The following ZNF596 variants were observed in gnomAD, a reference collection of about 807,000 sequenced individuals.
ZNF596 encodes the protein zinc finger protein 596.
A neutral mutation model predicts 48.3 loss-of-function variants in ZNF596; 45 were observed. The ratio of observed to expected loss-of-function variants is 0.93; its 90% confidence interval spans 0.73 to 1.19. The LOEUF (loss-of-function observed/expected upper bound fraction) is 1.19, where lower values mean the gene tolerates loss of function less well. Among genes scored for constraint, ZNF596 ranks in the 50% most tolerant of loss-of-function variants. The probability of loss-of-function intolerance (pLI) is 0.00; values close to 1 mark genes in which losing one functional copy is unlikely to be tolerated. For synonymous variants in ZNF596, 270 were observed against 202.0 expected (o/e 1.34, Z -2.85); for missense variants, 848 against 599.7 (o/e 1.41, Z -4.32).
chr8:233,850 T>A (rs1386990071), intron 1 of ZNF596, among the ~76,000 whole-genome samples: 1 of 152,208 alleles, frequency 6.6e-6, no homozygotes, highest in Non-Finnish European at 1.5e-5. Flanking sequence ...CTTAAGAGTG[T>A]GACATATGAT....
At chr8:244,833 A>C (rs1796998389) in intron 5 of ZNF596, 132 bp downstream of exon 5, 1 of 757,426 alleles carries the variant, frequency 1.3e-6, no homozygotes, top group African/African-American at 1.8e-5. Context: ...GATTTAGTGA[A>C]GACGTTAACT....
intron 1 of ZNF596, chr8:237,047 A>G (rs569312207): frequency 6.6e-6 from 1 of 152,298 alleles, no homozygotes; most frequent in South Asian, 2.1e-4. Flanking sequence ...TAAACATTAA[A>G]ATTGGCTAAT....
In ZNF596 at chr8:247,039, T is replaced by C. The variant is rs781371554; in HGVS notation, c.*677T>C. 1 of 152,158 alleles carries C rather than the reference T, an allele frequency of 6.6e-6. No homozygotes were observed. Among genetic ancestry groups the C allele is most frequent in the African/African-American group, 2.4e-5 (1 of 41,428 alleles). 9.4% of individuals were successfully genotyped at this position (152,158 alleles called of 1,614,324 possible). A position where few individuals can be genotyped will look rare whatever the true frequency, so the allele number is the denominator to read the frequency against. On this transcript the variant is annotated 3_prime_UTR_variant, in exon 6 of 6. Coordinates refer to ENST00000398612, the MANE Select transcript of ZNF596 (RefSeq NM_001042416.3). ...AGTAAATTACTCATTCCTTAGTCAATACCAGCATTTTTCCAGTGAGAAAAC... is the reference window on the plus strand; with the variant it reads ...AGTAAATTACTCATTCCTTAGTCAACACCAGCATTTTTCCAGTGAGAAAAC...
intron 1 of ZNF596, among the ~76,000 whole-genome samples, chr8:235,690 A>C (rs1183212047): frequency 6.6e-6 from 1 of 152,120 alleles, no homozygotes; most frequent in Admixed American, 6.5e-5. Context: ...TCGGTGTCTT[A>C]TTATGTTTCT....
At chr8:233,328 C>T (rs996652808) in intron 1 of ZNF596, 1 of 323,020 alleles carries the variant, frequency 3.1e-6, no homozygotes, top group African/African-American at 2.2e-5. Context: ...AGATGGTTTT[C>T]TGATTTCCAA....
Position 245,645 on chromosome 8 carries a change from T to G in ZNF596, c.798T>G (p.Leu266=). ...AAGCCTTCAGTAAAAGTTCTAACCT[T>G]AGACGACATGAGATGATTCACACTA... ...CGKAFSKSSN[L]RRHEMIHTRE... The change falls in exon 6 of 6, where the codon CTT becomes CTG. Residue 266 remains leucine, a synonymous_variant. Coordinates refer to ENST00000398612, the MANE Select transcript of ZNF596 (RefSeq NM_001042416.3). The G allele has an allele frequency of 1.2e-6, 2 of 1,613,942 alleles. No individual in the cohort carries two copies. Among genetic ancestry groups the G allele is most frequent in the Non-Finnish European group, 1.7e-6 (2 of 1,179,964 alleles).
chr8:246,167 T>C lies in ZNF596; in HGVS notation c.1320T>C (p.Thr440=). The C allele has an allele frequency of 6.2e-7, 1 of 1,614,170 alleles. No individual in the cohort carries two copies. Among genetic ancestry groups the C allele is most frequent in the Non-Finnish European group, 8.5e-7 (1 of 1,180,030 alleles). ...HSSVLRRHER[T]HTGEKPYECN... ...CTGTCCTTAGACGACATGAGAGAACTCACACTGGAGAGAAACCATATGAAT... is the reference window on the plus strand; with the variant it reads ...CTGTCCTTAGACGACATGAGAGAACCCACACTGGAGAGAAACCATATGAAT... The change falls in exon 6 of 6, where the codon ACT becomes ACC. Residue 440 remains threonine, a synonymous_variant. Coordinates refer to ENST00000398612, the MANE Select transcript of ZNF596 (RefSeq NM_001042416.3).
intron 1 of ZNF596, chr8:240,583 A>G (rs1796812199): frequency 2.8e-6 from 1 of 360,786 alleles, no homozygotes; most frequent in East Asian, 4.6e-5. Context: ...TCCATGCGCT[A>G]GGTGGCATAT....
Position 246,940 on chromosome 8 carries a change from C to T in ZNF596, c.*578C>T, listed in dbSNP as rs1277378687. 1.3e-5 allele frequency: 2 copies of T among 153,698 alleles called. No individual in the cohort carries two copies. Among genetic ancestry groups the T allele is most frequent in the African/African-American group, 2.4e-5 (1 of 41,448 alleles). The allele number at this position is 153,698 out of a possible 1,614,324, so 9.5% of individuals were successfully genotyped here. The stretch of plus-strand genomic sequence containing the variant: ...CTCATGAGAAATCCTTTTCTTAATA[C>T]AGCAGCACTTCTATAATAGATCAGA... On this transcript the variant is annotated 3_prime_UTR_variant, in exon 6 of 6. Transcript: ENST00000398612.
chr8:242,515 G>C (rs1192995798), intron 2 of ZNF596, among the ~76,000 whole-genome samples: 5 of 151,962 alleles, frequency 3.3e-5, no homozygotes, highest in Admixed American at 3.3e-4. Flanking sequence ...AATTATGGAT[G>C]CTGCCTCCCT....
At chr8:244,541 C>G in intron 4 of ZNF596, 78 bp from the exon 5 acceptor site, 1 of 955,032 alleles carries the variant, frequency 1.0e-6, no homozygotes, top group Non-Finnish European at 1.7e-6. Context: ...GAAACACACT[C>G]AAATGGGCTT....
At chr8:243,362 G>A (rs1275494155) in intron 3 of ZNF596, 3 of 289,310 alleles carry the variant, frequency 1.0e-5, no homozygotes, top group East Asian at 1.4e-4. Context: ...CATAGGGACT[G>A]TTCTGCACAG....
intron 1 of ZNF596, among the ~76,000 whole-genome samples, chr8:238,619 G>A (rs1010847771): frequency 7.8e-6 from 1 of 128,862 alleles, no homozygotes; most frequent in African/African-American, 3.3e-5. Context: ...TTGCCAACAT[G>A]GTGAAATACA....
chr8:240,730 G>C (rs56168541), intron 1 of ZNF596, 94 bp from the exon 2 acceptor site: 1 of 777,098 alleles, frequency 1.3e-6, no homozygotes, highest in African/African-American at 1.7e-5. Context: ...GCATGTCCTT[G>C]TTGGTTGGAC....
chr8:233,993 A>G (rs931237935), intron 1 of ZNF596, among the ~76,000 whole-genome samples: 8 of 152,168 alleles, frequency 5.3e-5, no homozygotes, highest in Admixed American at 5.2e-4. Context: ...CCCAAGACAC[A>G]CACATAGTGA....
At chr8:242,011 A>C (rs1796871834) in intron 2 of ZNF596, among the ~76,000 whole-genome samples, 1 of 152,200 alleles carries the variant, frequency 6.6e-6, no homozygotes, top group Admixed American at 6.5e-5. Flanking sequence ...CCCATGATTC[A>C]ATCACCTCCC....
Position 245,660 on chromosome 8 carries a change from G to T in ZNF596, c.813G>T (p.Met271Ile). The T allele has an allele frequency of 6.2e-7, 1 of 1,612,946 alleles. No individual in the cohort carries two copies. Among genetic ancestry groups the T allele is most frequent in the Non-Finnish European group, 8.5e-7 (1 of 1,179,698 alleles). The change falls in exon 6 of 6, where the codon ATG (methionine) becomes ATT (isoleucine). Residue 271 changes from methionine (M) to isoleucine (I), a missense_variant. Coordinates refer to ENST00000398612, the MANE Select transcript of ZNF596 (RefSeq NM_001042416.3). ...SKSSNLRRHE[M>I]IHTREKAQIC... ...GTTCTAACCTTAGACGACATGAGAT[G>T]ATTCACACTAGAGAAAAAGCACAGA... is the stretch of plus-strand genomic sequence containing the variant.
chr8:239,061 GAA>G (rs1277162108), intron 1 of ZNF596, among the ~76,000 whole-genome samples: 1 of 152,136 alleles, frequency 6.6e-6, no homozygotes, highest in Non-Finnish European at 1.5e-5. Context: ...TCAAGCAGAA[GAA>G]AGAACCAGTG....
At chr8:236,782 T>C (rs1039892745) in intron 1 of ZNF596, among the ~76,000 whole-genome samples, 3 of 152,240 alleles carry the variant, frequency 2.0e-5, no homozygotes, top group Non-Finnish European at 2.9e-5. Context: ...ATACCAGTGA[T>C]GGCCAGGTGG....
Sources: allele counts gnomAD v4.1 joint callset (sites outside exome capture counted in the v4.1 genomes callset), GRCh38; gene constraint gnomAD v4.1.1; transcripts MANE v1.5; gene names NCBI Gene and HGNC (gene_info 2026-07-23, HGNC 2026-07-21).